UNC79: variants seen among roughly 807,000 people sequenced by gnomAD.
UNC79 encodes the protein unc-79 subunit of NALCN channel complex, also known as protein unc-79 homolog.
A neutral mutation model predicts 283.1 loss-of-function variants in UNC79; 37 were observed. That is an observed-to-expected ratio of 0.13 (90% confidence interval 0.10 to 0.17). UNC79 has a LOEUF of 0.17. UNC79 is among the 10% of genes least tolerant of loss of function. The probability of loss-of-function intolerance (pLI) is 1.00; values close to 1 mark genes in which losing one functional copy is unlikely to be tolerated. For missense variants in UNC79, 2,272 were observed against 3,211.1 expected (o/e 0.71, Z 7.07); for synonymous variants, 1,107 against 1,200.2 (o/e 0.92, Z 1.61).
intron 1 of UNC79, among the ~76,000 whole-genome samples, chr14:93,403,501 A>G (rs181180092): frequency 6.6e-6 from 1 of 152,254 alleles, no homozygotes; most frequent in Non-Finnish European, 1.5e-5. Context: ...TAGCTTAGTG[A>G]TTTTGGGGTC....
In UNC79 at chr14:93,540,547, A is replaced by G. The variant is rs1005583765; in HGVS notation, c.1353-113A>G. ...ACTCAGTAACACAGTACTCAATTTA[A>G]AGAAGAGCAATCCAGGATGCTTGAG... On this transcript the variant is annotated intron_variant, in intron 12 of 48. Coordinates refer to ENST00000555664, the Ensembl canonical transcript of UNC79. 5.4e-5 allele frequency: 65 copies of G among 1,201,736 alleles called. No individual in the cohort carries two copies. In the East Asian group the frequency reaches 1.5e-3, roughly 28 times the overall value. 74.4% of individuals were successfully genotyped at this position (1,201,736 alleles called of 1,614,324 possible). A position where few individuals can be genotyped will look rare whatever the true frequency, so the allele number is the denominator to read the frequency against.
At chr14:93,384,539 A>T (rs1337237658) in intron 1 of UNC79, among the ~76,000 whole-genome samples, 1 of 152,178 alleles carries the variant, frequency 6.6e-6, no homozygotes, top group African/African-American at 2.4e-5. Context: ...CCCATTTTAA[A>T]TTGGATTATT....
intron 44 of UNC79, chr14:93,689,336 T>C (rs2074497277): frequency 6.5e-6 from 1 of 154,308 alleles, no homozygotes; most frequent in African/African-American, 2.4e-5. Flanking sequence ...CACCCTTTTG[T>C]GTGGTCAGCC....
chr14:93,434,695 A>C (rs1005366072), intron 1 of UNC79, among the ~76,000 whole-genome samples: 2 of 152,202 alleles, frequency 1.3e-5, no homozygotes, highest in Non-Finnish European at 1.5e-5. Flanking sequence ...TAGATAAGTT[A>C]ATGTCTCTAA....
chr14:93,407,299 A>G (rs879910320), intron 1 of UNC79, among the ~76,000 whole-genome samples: 4 of 152,230 alleles, frequency 2.6e-5, no homozygotes, highest in African/African-American at 4.8e-5. Flanking sequence ...AGATAGGCAA[A>G]TACAGAGAAT....
At chr14:93,676,299 A>G (rs1163296709) in intron 41 of UNC79, among the ~76,000 whole-genome samples, 3 of 152,136 alleles carry the variant, frequency 2.0e-5, no homozygotes, top group Non-Finnish European at 4.4e-5. Context: ...GACTCAAGCT[A>G]TCCACTCATC....
intron 14 of UNC79, among the ~76,000 whole-genome samples, chr14:93,568,511 T>C (rs1347472934): frequency 6.6e-6 from 1 of 151,870 alleles, no homozygotes; most frequent in Non-Finnish European, 1.5e-5. Context: ...CCATCTGTAC[T>C]AAAAATACAA....
intron 40 of UNC79, among the ~76,000 whole-genome samples, chr14:93,671,796 A>C (rs143075548): frequency 6.6e-6 from 1 of 152,118 alleles, no homozygotes; most frequent in Non-Finnish European, 1.5e-5. Flanking sequence ...AAACAACAAC[A>C]ACAACAAAAA....
intron 9 of UNC79, 65 bp from the exon 10 acceptor site, chr14:93,529,221 A>T: frequency 6.4e-7 from 1 of 1,573,070 alleles, no homozygotes; most frequent in Non-Finnish European, 8.7e-7. Flanking sequence ...TGCAGCTTAT[A>T]AACATTCATG....
intron 14 of UNC79, among the ~76,000 whole-genome samples, chr14:93,568,907 G>A (rs572143718): frequency 5.3e-5 from 8 of 152,260 alleles, no homozygotes; most frequent in African/African-American, 1.9e-4. Context: ...AGAGGCTGTG[G>A]CTCAGCCTCA....
intron 46 of UNC79, 40 bp from the exon 50 acceptor site, chr14:93,694,295 T>C: frequency 3.8e-6 from 6 of 1,590,382 alleles, no homozygotes; most frequent in East Asian, 2.2e-5. Context: ...GGTTTCTATA[T>C]CACTGGAAAT....
intron 40 of UNC79, among the ~76,000 whole-genome samples, chr14:93,669,160 A>C (rs1040684998): frequency 6.6e-6 from 1 of 152,192 alleles, no homozygotes; most frequent in African/African-American, 2.4e-5. Context: ...TAGTATAATG[A>C]CAATTAAAAT....
intron 11 of UNC79, among the ~76,000 whole-genome samples, chr14:93,537,521 A>C (rs138166630): frequency 6.6e-6 from 1 of 151,864 alleles, no homozygotes; most frequent in East Asian, 1.9e-4. Flanking sequence ...GCGGAAATCT[A>C]CTCTTTCAGG....
chr14:93,480,627 C>T (rs1341465378), intron 4 of UNC79, among the ~76,000 whole-genome samples: 4 of 152,082 alleles, frequency 2.6e-5, no homozygotes, highest in Non-Finnish European at 5.9e-5. Context: ...TTCCTTTGTA[C>T]TTGTTATTTC....
chr14:93,702,390 G>C (rs2075597613), intron 47 of UNC79, among the ~76,000 whole-genome samples: 1 of 152,216 alleles, frequency 6.6e-6, no homozygotes, highest in Non-Finnish European at 1.5e-5. Context: ...TAGAGACCAA[G>C]TGTTAGCTAG....
intron 11 of UNC79, among the ~76,000 whole-genome samples, chr14:93,535,511 G>T (rs2061026013): frequency 6.6e-6 from 1 of 152,192 alleles, no homozygotes; most frequent in South Asian, 2.1e-4. Flanking sequence ...AGACTCTGTG[G>T]ATCAGAGATT....
At chr14:93,521,660 A>AT (rs1200086166) in intron 7 of UNC79, among the ~76,000 whole-genome samples, 2 of 151,280 alleles carry the variant, frequency 1.3e-5, no homozygotes, top group African/African-American at 2.4e-5. Context: ...TCAAATATAT[A>AT]TTTTTTAGTT....
chr14:93,592,881 C>G (rs2064798441), intron 22 of UNC79, among the ~76,000 whole-genome samples: 1 of 152,164 alleles, frequency 6.6e-6, no homozygotes. Flanking sequence ...TCCTCCTCCC[C>G]TTTCTCACTC....
chr14:93,578,175 A>C, intron 18 of UNC79, 112 bp downstream of exon 18: 1 of 1,060,500 alleles, frequency 9.4e-7, no homozygotes, highest in South Asian at 1.6e-5. Context: ...ATGATTCAGC[A>C]TCACCCAAGA....
Sources: allele counts gnomAD v4.1 joint callset (sites outside exome capture counted in the v4.1 genomes callset), GRCh38; gene constraint gnomAD v4.1.1; transcripts MANE v1.5; gene names NCBI Gene and HGNC (gene_info 2026-07-23, HGNC 2026-07-21).